Variants in AVEN observed in about 807,000 individuals in gnomAD.
The protein encoded by AVEN is cell death regulator Aven.
A neutral mutation model predicts 38.1 loss-of-function variants in AVEN; 41 were observed. The observed-to-expected ratio is 1.08, with a 90% CI of 0.84 to 1.40. AVEN has a LOEUF of 1.40. Ranked by LOEUF, AVEN falls within the 40% of genes most tolerant of loss-of-function variation. The probability of loss-of-function intolerance (pLI) is 0.00; values close to 1 mark genes in which losing one functional copy is unlikely to be tolerated. For synonymous variants in AVEN, 206 were observed against 171.8 expected (o/e 1.20, Z -1.56); for missense variants, 605 against 438.8 (o/e 1.38, Z -3.38).
intron 2 of AVEN, 96 bp from the exon 3 acceptor site, chr15:33,876,091 G>C: frequency 8.8e-7 from 1 of 1,136,812 alleles, no homozygotes; most frequent in Non-Finnish European, 1.3e-6. Context: ...CATTTCTGAA[G>C]TGCTCAAACT....
chr15:34,028,064 A>C (rs1385888321), intron 1 of AVEN, among the ~76,000 whole-genome samples: 3 of 152,178 alleles, frequency 2.0e-5, no homozygotes, highest in Non-Finnish European at 4.4e-5. Flanking sequence ...TTCCTAGCAG[A>C]GCACTGAAAG....
At chr15:33,936,189 G>A (rs1246711428) in intron 2 of AVEN, among the ~76,000 whole-genome samples, 1 of 150,916 alleles carries the variant, frequency 6.6e-6, no homozygotes, top group Non-Finnish European at 1.5e-5. Flanking sequence ...TCAGCATCAT[G>A]CAAAATCGAT....
At chr15:33,864,995 A>C (rs1374884973), downstream of AVEN, 1 of 628,404 alleles carries the variant, frequency 1.6e-6, no homozygotes, top group East Asian at 2.7e-5. Flanking sequence ...GAATAGAGCA[A>C]GAATGAATGT....
At chr15:33,865,231 G>GAATC, downstream of AVEN, 1 of 1,603,866 alleles carries the variant, frequency 6.2e-7, no homozygotes, top group Non-Finnish European at 8.5e-7. Flanking sequence ...GGATAAATCT[G>GAATC]AATCAAAGAA....
intron 2 of AVEN, among the ~76,000 whole-genome samples, chr15:33,895,546 G>C (rs1346779659): frequency 6.6e-6 from 1 of 151,802 alleles, no homozygotes; most frequent in Non-Finnish European, 1.5e-5. Flanking sequence ...GAGTGGTCTC[G>C]AATTCCTGGC....
intron 2 of AVEN, chr15:33,971,921 T>C (rs956598917): frequency 6.6e-6 from 1 of 152,136 alleles, no homozygotes; most frequent in Non-Finnish European, 1.5e-5. Context: ...GACATCACAA[T>C]CTGTGACTGG....
chr15:33,966,301 G>A (rs886327326), intron 2 of AVEN, among the ~76,000 whole-genome samples: 6 of 152,140 alleles, frequency 3.9e-5, no homozygotes, highest in African/African-American at 7.2e-5. Flanking sequence ...TTCCCATTCA[G>A]CTTATCTGTA....
At chr15:33,919,543 A>G (rs948620921) in intron 2 of AVEN, among the ~76,000 whole-genome samples, 1 of 152,200 alleles carries the variant, frequency 6.6e-6, no homozygotes, top group African/African-American at 2.4e-5. Flanking sequence ...TTTTATCCCC[A>G]AATCTCAGTG....
At chr15:34,068,870 GGC>G in intron 2 of AVEN, among the ~76,000 whole-genome samples, 2 of 145,904 alleles carry the variant, frequency 1.4e-5, no homozygotes, top group Non-Finnish European at 3.0e-5. Flanking sequence ...GGAGTGCAGT[GGC>G]GCAATCTCGG....
chr15:34,059,737 ACTTCATTCTTCAAGT>A (rs367674759), intron 5 of AVEN, among the ~76,000 whole-genome samples: 1,873 of 152,188 alleles, frequency 0.012, 45 homozygotes, highest in African/African-American at 0.039. Context: ...GCTATTGGTG[ACTTCATTCTTCAAGT>A]CTCGACTCTT....
intron 5 of AVEN, among the ~76,000 whole-genome samples, chr15:34,061,063 T>A (rs566949640): frequency 4.6e-5 from 7 of 151,052 alleles, no homozygotes; most frequent in Non-Finnish European, 7.4e-5. Context: ...CCCATTATCA[T>A]GTCAAGGTGG....
At chr15:33,870,029 A>G (rs114428255) in intron 4 of AVEN, among the ~76,000 whole-genome samples, 1,714 of 152,224 alleles carry the variant, frequency 0.011, 25 homozygotes, top group African/African-American at 0.04. Flanking sequence ...ACAAACTCAT[A>G]AAGTCCAAAA....
At chr15:33,983,152 G>GTA (rs1252230116) in intron 2 of AVEN, among the ~76,000 whole-genome samples, 22 of 110,830 alleles carry the variant, frequency 2.0e-4, no homozygotes, top group African/African-American at 9.2e-4. Context: ...GTGTGTGTGT[G>GTA]TGTGTGTATG....
At chr15:33,918,954 A>G (rs1893280449) in intron 2 of AVEN, among the ~76,000 whole-genome samples, 1 of 141,160 alleles carries the variant, frequency 7.1e-6, no homozygotes, top group African/African-American at 2.6e-5. Context: ...GGAGTCTCAC[A>G]CTGTCCCCCA....
At chr15:33,961,275 C>T (rs1009888363) in intron 2 of AVEN, among the ~76,000 whole-genome samples, 2 of 152,148 alleles carry the variant, frequency 1.3e-5, no homozygotes, top group Non-Finnish European at 2.9e-5. Context: ...CTCACACCTG[C>T]TGGGATTACA....
upstream of AVEN, among the ~76,000 whole-genome samples, chr15:34,040,521 C>T (rs1258109887): frequency 6.6e-6 from 1 of 152,204 alleles, no homozygotes; most frequent in Non-Finnish European, 1.5e-5. Context: ...CACTATTCTA[C>T]ATACTTCTCA....
At chr15:33,865,423 A>G, downstream of AVEN, 1 of 520,216 alleles carries the variant, frequency 1.9e-6, no homozygotes, top group East Asian at 3.0e-5. Context: ...GTGGGAGAGA[A>G]CCTGTCAAAA....
chr15:33,996,914 T>C (rs117796415), intron 2 of AVEN, among the ~76,000 whole-genome samples: 3,259 of 152,260 alleles, frequency 0.021, 55 homozygotes, highest in Non-Finnish European at 0.03. Context: ...TTCTCCCAGC[T>C]AAAGGAGGCT....
At chr15:33,916,040 A>T (rs1893123671) in intron 2 of AVEN, among the ~76,000 whole-genome samples, 1 of 151,988 alleles carries the variant, frequency 6.6e-6, no homozygotes. Flanking sequence ...GGAGAGTCTG[A>T]GCTCAGACAC....
Sources: allele counts gnomAD v4.1 joint callset (sites outside exome capture counted in the v4.1 genomes callset), GRCh38; gene constraint gnomAD v4.1.1; transcripts MANE v1.5; gene names NCBI Gene and HGNC (gene_info 2026-07-23, HGNC 2026-07-21).